ARB2A: variants seen among roughly 807,000 people sequenced by gnomAD.
ARB2A encodes the protein ARB2 cotranscriptional regulator A, also known as cotranscriptional regulator ARB2A.
At chr5:93,658,306 C>T in the ARB2A span, among the ~76,000 whole-genome samples, 7 of 152,086 alleles carry the variant, frequency 4.6e-5, no homozygotes, top group South Asian at 1.2e-3. Context: ...TAGATTTTTC[C>T]ATCTTTGGTC....
the ARB2A span, among the ~76,000 whole-genome samples, chr5:93,914,435 C>T: frequency 1.3e-5 from 2 of 151,966 alleles, no homozygotes; most frequent in East Asian, 1.9e-4. Context: ...ATATGGCATC[C>T]AAAATAGTAC....
chr5:93,789,582 T>G, the ARB2A span, among the ~76,000 whole-genome samples: 1 of 152,192 alleles, frequency 6.6e-6, no homozygotes, highest in East Asian at 1.9e-4. Context: ...CTAAAATATT[T>G]TATCACAAAC....
the ARB2A span, among the ~76,000 whole-genome samples, chr5:93,689,453 A>G: frequency 6.6e-6 from 1 of 152,214 alleles, no homozygotes; most frequent in Non-Finnish European, 1.5e-5. Flanking sequence ...TACTGCCATC[A>G]CCAGACTAGG....
the ARB2A span, among the ~76,000 whole-genome samples, chr5:93,755,801 G>A: frequency 3.9e-5 from 6 of 152,204 alleles, no homozygotes; most frequent in African/African-American, 1.4e-4. Flanking sequence ...AGCCAGAGGA[G>A]CAGGGGATAA....
At chr5:93,856,391 C>A in the ARB2A span, among the ~76,000 whole-genome samples, 1 of 152,206 alleles carries the variant, frequency 6.6e-6, no homozygotes, top group Non-Finnish European at 1.5e-5. Context: ...CAACTGGGTT[C>A]CATTCTCCCC....
the ARB2A span, among the ~76,000 whole-genome samples, chr5:94,087,925 C>G: frequency 6.6e-6 from 1 of 152,166 alleles, no homozygotes; most frequent in Non-Finnish European, 1.5e-5. Flanking sequence ...TAAGTACACT[C>G]TATGCTGTTC....
chr5:93,771,007 G>A, the ARB2A span, among the ~76,000 whole-genome samples: 1 of 151,892 alleles, frequency 6.6e-6, no homozygotes, highest in Non-Finnish European at 1.5e-5. Context: ...TTAATCCTAA[G>A]CCAAAAAAAA....
chr5:93,987,914 T>C, the ARB2A span, among the ~76,000 whole-genome samples: 1 of 152,194 alleles, frequency 6.6e-6, no homozygotes, highest in East Asian at 1.9e-4. Flanking sequence ...AGCCTCAGTA[T>C]GTTCAAACTA....
chr5:93,836,805 C>CTTAT, the ARB2A span, among the ~76,000 whole-genome samples: 60 of 152,092 alleles, frequency 3.9e-4, 1 homozygote, highest in Admixed American at 3.2e-3. Flanking sequence ...TAAATTGAAC[C>CTTAT]ATATAAGTTA....
the ARB2A span, among the ~76,000 whole-genome samples, chr5:93,918,724 A>G: frequency 6.6e-6 from 1 of 152,050 alleles, no homozygotes; most frequent in Non-Finnish European, 1.5e-5. Context: ...GCCTAGCCCC[A>G]AATTTCAAAC....
the ARB2A span, among the ~76,000 whole-genome samples, chr5:93,746,501 G>A: frequency 6.6e-6 from 1 of 152,080 alleles, no homozygotes; most frequent in African/African-American, 2.4e-5. Flanking sequence ...AGATTATGAG[G>A]ACTTTTTAAA....
At chr5:94,007,158 A>AT in the ARB2A span, among the ~76,000 whole-genome samples, 1 of 152,210 alleles carries the variant, frequency 6.6e-6, no homozygotes. Flanking sequence ...TGATCTATAG[A>AT]TTTTAGATTG....
the ARB2A span, among the ~76,000 whole-genome samples, chr5:94,020,344 C>T: frequency 6.6e-6 from 1 of 152,096 alleles, no homozygotes; most frequent in Non-Finnish European, 1.5e-5. Flanking sequence ...TTGATGCGTG[C>T]AGCAAACCAC....
At chr5:93,626,646 C>T in the ARB2A span, among the ~76,000 whole-genome samples, 3 of 152,224 alleles carry the variant, frequency 2.0e-5, no homozygotes, top group Admixed American at 2.0e-4. Context: ...AGCATTATGT[C>T]TAAAAAGACA....
chr5:93,834,788 C>T, the ARB2A span, among the ~76,000 whole-genome samples: 8 of 152,090 alleles, frequency 5.3e-5, no homozygotes, highest in Non-Finnish European at 1.0e-4. Flanking sequence ...ATTGTGTCTA[C>T]AATCATTATA....
the ARB2A span, among the ~76,000 whole-genome samples, chr5:93,883,979 C>T: frequency 1.3e-5 from 2 of 150,134 alleles, no homozygotes; most frequent in Non-Finnish European, 3.0e-5. Context: ...CCCTCTCATA[C>T]TCAGGAGTTA....
chr5:94,068,041 C>G, the ARB2A span, among the ~76,000 whole-genome samples: 2 of 152,128 alleles, frequency 1.3e-5, no homozygotes, highest in Non-Finnish European at 2.9e-5. Flanking sequence ...CCGAAGTGTG[C>G]GGATCACTTT....
At chr5:93,936,763 C>T in the ARB2A span, among the ~76,000 whole-genome samples, 3 of 151,930 alleles carry the variant, frequency 2.0e-5, no homozygotes, top group East Asian at 5.8e-4. Context: ...TCAGAAGCTG[C>T]AAAAGAGAAA....
chr5:93,752,817 A>T, the ARB2A span, among the ~76,000 whole-genome samples: 1 of 152,156 alleles, frequency 6.6e-6, no homozygotes, highest in Non-Finnish European at 1.5e-5. Context: ...TAAACTGAAA[A>T]CACAGAGTTC....
Sources: gnomAD v4.1 joint callset for allele counts (sites outside exome capture counted in the v4.1 genomes callset) on GRCh38, gnomAD v4.1.1 for gene constraint, MANE v1.5 for transcripts, NCBI Gene and HGNC (gene_info 2026-07-23, HGNC 2026-07-21) for gene names.